The following GPD1L variants were observed in gnomAD, a reference collection of about 807,000 sequenced individuals.
The protein encoded by GPD1L is glycerol-3-phosphate dehydrogenase 1-like protein.
A neutral mutation model predicts 32.9 loss-of-function variants in GPD1L; 17 were observed. That is an observed-to-expected ratio of 0.52 (90% confidence interval 0.35 to 0.78). GPD1L has a LOEUF of 0.78. Ranked by LOEUF, GPD1L falls within the 30% of genes least tolerant of loss-of-function variation. GPD1L has a pLI of 0.01. For missense variants in GPD1L, 361 were observed against 447.8 expected (o/e 0.81, Z 1.75); for synonymous variants, 187 against 165.9 (o/e 1.13, Z -0.98).
chr3:32,154,829 C>G (rs1700965349), intron 5 of GPD1L, among the ~76,000 whole-genome samples: 1 of 151,968 alleles, frequency 6.6e-6, no homozygotes, highest in Non-Finnish European at 1.5e-5. Context: ...CTCACTGCAA[C>G]CTCCGCCTCC....
chr3:32,160,960 G>A (rs9815304), intron 7 of GPD1L, among the ~76,000 whole-genome samples: 83,184 of 152,032 alleles, frequency 0.55, 24,542 homozygotes, highest in East Asian at 0.86. Context: ...GGGGAGGGGA[G>A]GTCTTGTTGC....
chr3:32,107,946 C>T (rs1459658138), intron 1 of GPD1L, among the ~76,000 whole-genome samples: 1 of 152,120 alleles, frequency 6.6e-6, no homozygotes, highest in Non-Finnish European at 1.5e-5. Context: ...TGCAGTGGTG[C>T]GATCTTGGCT....
chr3:32,147,196 GT>G (rs1410943560), intron 5 of GPD1L, among the ~76,000 whole-genome samples: 1 of 127,890 alleles, frequency 7.8e-6, no homozygotes. Context: ...TCTAAGAATA[GT>G]TTTGTCTTTG....
chr3:32,129,182 T>G (rs906459607), intron 2 of GPD1L, among the ~76,000 whole-genome samples: 13 of 152,200 alleles, frequency 8.5e-5, no homozygotes, highest in African/African-American at 3.1e-4. Flanking sequence ...GGCTGTCTGA[T>G]TCCTATGGTT....
Position 32,166,701 on chromosome 3 carries a change from G to A in GPD1L, c.*791G>A, listed in dbSNP as rs577133927. On this transcript the variant is annotated 3_prime_UTR_variant, in exon 8 of 8. Transcript: ENST00000282541. Reference sequence around the variant, plus strand: ...TATCTTAAACATCACAGATCCACTGGGGGGTGCAAGGGGCTACTGTTAGTC... The same window carrying A: ...TATCTTAAACATCACAGATCCACTGAGGGGTGCAAGGGGCTACTGTTAGTC... 1 of 152,622 alleles carries A rather than the reference G, an allele frequency of 6.6e-6. No individual in the cohort carries two copies. The highest frequency in any genetic ancestry group is 1.5e-5 in the Non-Finnish European group (1 of 68,398). 9.5% of individuals were successfully genotyped at this position (152,622 alleles called of 1,614,324 possible). A position where few individuals can be genotyped will look rare whatever the true frequency, so the allele number is the denominator to read the frequency against.
At chr3:32,161,685 G>A (rs1482365368) in intron 7 of GPD1L, among the ~76,000 whole-genome samples, 1 of 152,194 alleles carries the variant, frequency 6.6e-6, no homozygotes, top group Non-Finnish European at 1.5e-5. Flanking sequence ...TCTGGGGCCA[G>A]TAGCTCCCTG....
intron 5 of GPD1L, among the ~76,000 whole-genome samples, chr3:32,155,652 C>CT (rs1700977931): frequency 6.6e-6 from 1 of 152,190 alleles, no homozygotes; most frequent in Non-Finnish European, 1.5e-5. Flanking sequence ...CACCCAAGGG[C>CT]TGGCCTCTGG....
intron 2 of GPD1L, among the ~76,000 whole-genome samples, chr3:32,132,520 A>G (rs1700600142): frequency 6.6e-6 from 1 of 152,238 alleles, no homozygotes; most frequent in Admixed American, 6.5e-5. Flanking sequence ...AAATTAAAAT[A>G]TCAGTTCAGT....
intron 2 of GPD1L, among the ~76,000 whole-genome samples, chr3:32,129,147 A>G (rs1048450828): frequency 6.6e-6 from 1 of 152,180 alleles, no homozygotes. Context: ...TTCTATCATA[A>G]TCTCTTTGAA....
intron 1 of GPD1L, among the ~76,000 whole-genome samples, chr3:32,125,505 T>C (rs1700493611): frequency 6.6e-6 from 1 of 152,182 alleles, no homozygotes; most frequent in South Asian, 2.1e-4. Context: ...CATCCTTATG[T>C]CTTCTCCCTG....
rs1471618465 is a variant in GPD1L, at chr3:32,159,170, G to A, written c.852+61G>A. The A allele has an allele frequency of 1.2e-4, 144 of 1,226,754 alleles. No individual in the cohort carries two copies. The East Asian group carries it at 3.4e-3, about 29-fold the overall frequency. The allele number at this position is 1,226,754 out of a possible 1,614,324, so 76.0% of individuals were successfully genotyped here. ...CCTCACTTGAGACTCCTGGCTTGGGGTGAACTGCAGCCCAGTGGAGATTTC... is the reference window on the plus strand; with the variant it reads ...CCTCACTTGAGACTCCTGGCTTGGGATGAACTGCAGCCCAGTGGAGATTTC... On this transcript the variant is annotated intron_variant, in intron 6 of 7. Transcript: ENST00000282541.
In GPD1L at chr3:32,129,309, G is replaced by A. The variant is rs1700555374; in HGVS notation, c.225+1056G>A. ...AGCACCGTGTTGGGTGCTGGGGACA[G>A]AAAGAGGAATAAGACAGTGTTGCTT... On this transcript the variant is annotated intron_variant, in intron 2 of 7. Coordinates refer to ENST00000282541, the MANE Select transcript of GPD1L (RefSeq NM_015141.4). Among the ~76,000 whole-genome samples the A allele has an allele frequency of 2.0e-5, 3 of 152,348 alleles. No homozygotes were observed. In the South Asian group the frequency reaches 6.2e-4, roughly 32 times the overall value.
chr3:32,135,852 T>A (rs76469483), intron 2 of GPD1L, among the ~76,000 whole-genome samples: 4,503 of 152,176 alleles, frequency 0.03, 314 homozygotes, highest in East Asian at 0.25. Flanking sequence ...TGGATTTTTT[T>A]AATAAATCTT....
At chr3:32,144,578 T>A (rs138324636) in intron 4 of GPD1L, among the ~76,000 whole-genome samples, 3 of 152,164 alleles carry the variant, frequency 2.0e-5, no homozygotes, top group African/African-American at 7.2e-5. Context: ...TTGGTTTACA[T>A]TGAGTTTTGG....
At chr3:32,111,121 C>T (rs547002830) in intron 1 of GPD1L, among the ~76,000 whole-genome samples, 5 of 152,358 alleles carry the variant, frequency 3.3e-5, no homozygotes, top group African/African-American at 1.2e-4. Flanking sequence ...CCGCCTTGGC[C>T]TCCCAAAGTG....
intron 2 of GPD1L, among the ~76,000 whole-genome samples, chr3:32,137,596 G>C (rs1365330753): frequency 6.6e-6 from 1 of 152,176 alleles, no homozygotes; most frequent in African/African-American, 2.4e-5. Context: ...TTCTTTGCTG[G>C]CATTCAGGAG....
At chr3:32,164,661 A>T (rs1333972079) in intron 7 of GPD1L, among the ~76,000 whole-genome samples, 1 of 152,238 alleles carries the variant, frequency 6.6e-6, no homozygotes, top group African/African-American at 2.4e-5. Context: ...GTCAGAGTTG[A>T]TTAGGTCTAC....
intron 1 of GPD1L, among the ~76,000 whole-genome samples, chr3:32,107,489 T>G (rs976604288): frequency 3.3e-5 from 5 of 152,128 alleles, no homozygotes; most frequent in African/African-American, 1.2e-4. Context: ...TCTGGTGTGT[T>G]TGGGTGAATG....
At chr3:32,163,161 C>CTTTTTTT (rs34385950) in intron 7 of GPD1L, among the ~76,000 whole-genome samples, 3 of 78,028 alleles carry the variant, frequency 3.8e-5, no homozygotes, top group East Asian at 4.3e-4. Context: ...CTGGTTTGTC[C>CTTTTTTT]TTTTTTTTTT....
Sources: gnomAD v4.1 joint callset for allele counts (sites outside exome capture counted in the v4.1 genomes callset) on GRCh38, gnomAD v4.1.1 for gene constraint, MANE v1.5 for transcripts, NCBI Gene and HGNC (gene_info 2026-07-23, HGNC 2026-07-21) for gene names.